Variants in TAOK3 observed in about 807,000 individuals in gnomAD.
The protein encoded by TAOK3 is TAO kinase 3, also known as serine/threonine-protein kinase TAO3.
A neutral mutation model predicts 120.4 loss-of-function variants in TAOK3; 40 were observed. That is an observed-to-expected ratio of 0.33 (90% CI 0.26 to 0.43). The LOEUF (loss-of-function observed/expected upper bound fraction) is 0.43, where lower values mean the gene tolerates loss of function less well. Among genes scored for constraint, TAOK3 ranks in the 20% least tolerant of loss-of-function variants. TAOK3 has a pLI of 1.00. For missense variants in TAOK3, 821 were observed against 1,112.1 expected, an observed-to-expected ratio of 0.74 and a Z score of 3.72; for synonymous variants, 355 against 387.5, an observed-to-expected ratio of 0.92 and a Z score of 0.99.
intron 1 of TAOK3, among the ~76,000 whole-genome samples, chr12:118,303,484 T>G (rs1468573862): frequency 6.6e-6 from 1 of 152,230 alleles, no homozygotes; most frequent in Non-Finnish European, 1.5e-5. Context: ...AACAATGCTA[T>G]GAGACATTTC....
chr12:118,211,973 C>A (rs189395057), intron 11 of TAOK3, among the ~76,000 whole-genome samples: 106 of 152,288 alleles, frequency 7.0e-4, no homozygotes, highest in African/African-American at 2.5e-3. Flanking sequence ...CATGTAAGGG[C>A]TCCACAACAA....
intron 2 of TAOK3, among the ~76,000 whole-genome samples, chr12:118,259,469 G>A (rs2041131370): frequency 6.6e-6 from 1 of 152,128 alleles, no homozygotes; most frequent in Non-Finnish European, 1.5e-5. Flanking sequence ...AGAGCCCGGA[G>A]ATCAAGGATG....
chr12:118,163,966 C>A (rs1401175226), intron 17 of TAOK3, among the ~76,000 whole-genome samples: 2 of 151,982 alleles, frequency 1.3e-5, no homozygotes, highest in African/African-American at 4.8e-5. Context: ...CCCGCCTTGG[C>A]CTCTCAAAGT....
chr12:118,302,064 T>G (rs1196257364), intron 1 of TAOK3, among the ~76,000 whole-genome samples: 1 of 152,052 alleles, frequency 6.6e-6, no homozygotes, highest in Non-Finnish European at 1.5e-5. Flanking sequence ...TATGGTGGGG[T>G]TTTTGATCTG....
intron 3 of TAOK3, chr12:118,246,543 G>C (rs61945209): frequency 0.13 from 194,865 of 1,543,346 alleles, 12,224 homozygotes; most frequent in Non-Finnish European, 0.14. Context: ...CATCCGTGGG[G>C]CCATCATCCT....
chr12:118,342,577 A>G (rs1185505536), intron 1 of TAOK3, among the ~76,000 whole-genome samples: 1 of 152,194 alleles, frequency 6.6e-6, no homozygotes. Context: ...ATCAATAAAT[A>G]AAACATGCAG....
chr12:118,262,976 A>T (rs974749001), intron 2 of TAOK3, among the ~76,000 whole-genome samples: 1 of 152,246 alleles, frequency 6.6e-6, no homozygotes, highest in Non-Finnish European at 1.5e-5. Context: ...AACATTTTTT[A>T]AACTCTGAGA....
intron 11 of TAOK3, among the ~76,000 whole-genome samples, chr12:118,210,121 T>A (rs1000994278): frequency 2.0e-5 from 3 of 152,198 alleles, no homozygotes; most frequent in Non-Finnish European, 4.4e-5. Flanking sequence ...GGGAGGGGCC[T>A]CTTTAAATTC....
Position 118,164,195 on chromosome 12 carries a change from C to T in TAOK3, c.1900-2168G>A, listed in dbSNP as rs185839167. ...AAAAAAAATTAGCCGGGCCTGGTGG[C>T]GGGCACCTGTAGTCCCAGCTACTCG... On this transcript the variant is annotated intron_variant, in intron 17 of 20. Transcript: ENST00000392533. Among the ~76,000 whole-genome samples the T allele has an allele frequency of 3.6e-3, 541 of 150,928 alleles. 3 individuals carry two copies. The highest frequency in any genetic ancestry group is 0.012 in the African/African-American group (503 of 41,310).
chr12:118,207,889 C>CACACACACACACAT (rs2038417021), intron 11 of TAOK3, among the ~76,000 whole-genome samples: 1 of 151,582 alleles, frequency 6.6e-6, no homozygotes, highest in South Asian at 2.1e-4. Context: ...CACACACACA[C>CACACACACACACAT]ATGCACAAAT....
At chr12:118,304,774 T>A (rs2042990824) in intron 1 of TAOK3, among the ~76,000 whole-genome samples, 2 of 152,212 alleles carry the variant, frequency 1.3e-5, no homozygotes, top group African/African-American at 4.8e-5. Context: ...TTATGAAAAT[T>A]GATTGTGCTT....
intron 1 of TAOK3, among the ~76,000 whole-genome samples, chr12:118,272,646 C>T (rs978736230): frequency 1.3e-5 from 2 of 152,092 alleles, no homozygotes; most frequent in African/African-American, 2.4e-5. Flanking sequence ...TCACATCACA[C>T]CTCTGTGGCA....
Position 118,293,031 on chromosome 12 carries a change from G to A in TAOK3, c.-193-26272C>T, listed in dbSNP as rs376772103. The stretch of plus-strand genomic sequence containing the variant: ...ATTTTGCTTTGCCACTAGCAGATAT[G>A]GCAAGCATGCATACATGCTGACATG... On this transcript the variant is annotated intron_variant, in intron 1 of 20. Coordinates refer to ENST00000392533, the MANE Select transcript of TAOK3 (RefSeq NM_016281.4). Among the ~76,000 whole-genome samples, 99 of 152,318 alleles carry A rather than the reference G, an allele frequency of 6.5e-4. 1 individual carries two copies. Among genetic ancestry groups the A allele is most frequent in the African/African-American group, 2.3e-3 (97 of 41,570 alleles).
At chr12:118,218,008 T>C (rs962381636) in intron 9 of TAOK3, among the ~76,000 whole-genome samples, 7 of 150,068 alleles carry the variant, frequency 4.7e-5, no homozygotes, top group Non-Finnish European at 8.9e-5. Flanking sequence ...TACAGGCGCA[T>C]GCCACCACGC....
chr12:118,184,625 C>A (rs2036961373), intron 14 of TAOK3, among the ~76,000 whole-genome samples: 1 of 152,036 alleles, frequency 6.6e-6, no homozygotes, highest in Admixed American at 6.6e-5. Flanking sequence ...GGAATCAACA[C>A]CCAAAAAAGT....
At chr12:118,164,722 G>A (rs2035470964) in intron 17 of TAOK3, among the ~76,000 whole-genome samples, 1 of 152,108 alleles carries the variant, frequency 6.6e-6, no homozygotes, top group Non-Finnish European at 1.5e-5. Flanking sequence ...CCCAGCCTCA[G>A]CTGTACTTTA....
chr12:118,209,043 C>T (rs1171921703), intron 11 of TAOK3, among the ~76,000 whole-genome samples: 1 of 151,974 alleles, frequency 6.6e-6, no homozygotes, highest in Non-Finnish European at 1.5e-5. Context: ...TATACAGGGA[C>T]AAAATGCCAT....
At chr12:118,194,218 T>C (rs2037585498) in intron 13 of TAOK3, among the ~76,000 whole-genome samples, 1 of 152,174 alleles carries the variant, frequency 6.6e-6, no homozygotes, top group African/African-American at 2.4e-5. Flanking sequence ...TCCCACACTT[T>C]CTACGCTGTG....
intron 15 of TAOK3, among the ~76,000 whole-genome samples, chr12:118,177,909 C>G (rs549014915): frequency 1.3e-5 from 2 of 152,250 alleles, no homozygotes; most frequent in South Asian, 4.1e-4. Flanking sequence ...ACATGCTTTA[C>G]TGAACACAAA....
Sources: gnomAD v4.1 joint callset for allele counts (sites outside exome capture counted in the v4.1 genomes callset) on GRCh38, gnomAD v4.1.1 for gene constraint, MANE v1.5 for transcripts, NCBI Gene and HGNC (gene_info 2026-07-23, HGNC 2026-07-21) for gene names.